Variants in TMEM167B observed in about 807,000 individuals in gnomAD.
TMEM167B encodes the protein protein kish-B.
TMEM167B carries 2 observed loss-of-function variants against 9.4 expected under a neutral mutation model. The observed-to-expected ratio is 0.21, with a 90% CI of 0.09 to 0.67. The LOEUF (loss-of-function observed/expected upper bound fraction) is 0.67, where lower values mean the gene tolerates loss of function less well. Among genes scored for constraint, TMEM167B ranks in the 30% least tolerant of loss-of-function variants. The pLI is 0.82. For missense variants in TMEM167B, 68 were observed against 87.6 expected, an observed-to-expected ratio of 0.78 and a Z score of 0.89; for synonymous variants, 28 against 32.0, an observed-to-expected ratio of 0.87 and a Z score of 0.42.
At chr1:109,094,341 A>T in intron 2 of TMEM167B, 76 bp from the exon 3 acceptor site, 1 of 1,427,326 alleles carries the variant, frequency 7.0e-7, no homozygotes, top group South Asian at 1.2e-5. Flanking sequence ...GTGACTAGAG[A>T]CTTCAAAATA....
In TMEM167B at chr1:109,095,433, T is replaced by C. The variant is rs1664545057; in HGVS notation, c.*934T>C. On this transcript the variant is annotated 3_prime_UTR_variant, in exon 3 of 3. Transcript: ENST00000338272. ...GGGTAGAAGAAAGAAATCTAGTATATTGATTCATATACTAGTAAATTCATC... is the reference window on the plus strand; with the variant it reads ...GGGTAGAAGAAAGAAATCTAGTATACTGATTCATATACTAGTAAATTCATC... 6.6e-6 allele frequency: 1 copy of C among 152,208 alleles called. No individual in the cohort carries two copies. The highest frequency in any genetic ancestry group is 6.6e-5 in the Admixed American group (1 of 15,262). The allele number at this position is 152,208 out of a possible 1,614,324, so 9.4% of individuals were successfully genotyped here.
chr1:109,094,049 G>A (rs1293540536), intron 2 of TMEM167B, among the ~76,000 whole-genome samples: 15 of 152,180 alleles, frequency 9.9e-5, no homozygotes, highest in Admixed American at 7.9e-4. Flanking sequence ...GGAGGCCAAG[G>A]TGGGTGGATC....
chr1:109,092,336 T>C (rs1664468361), intron 1 of TMEM167B, among the ~76,000 whole-genome samples: 1 of 152,236 alleles, frequency 6.6e-6, no homozygotes, highest in South Asian at 2.1e-4. Context: ...CCTTAACATA[T>C]TCTTCACCAA....
intron 2 of TMEM167B, 167 bp downstream of exon 2, chr1:109,093,188 G>A (rs1664489935): frequency 3.9e-6 from 4 of 1,038,922 alleles, no homozygotes; most frequent in Admixed American, 5.9e-5. Context: ...CAAAGTTGAG[G>A]GAAGAGGTAA....
At chr1:109,092,706 G>A (rs1191256855) in intron 1 of TMEM167B, among the ~76,000 whole-genome samples, 184 bp from the exon 2 acceptor site, 1 of 152,006 alleles carries the variant, frequency 6.6e-6, no homozygotes, top group African/African-American at 2.4e-5. Flanking sequence ...CAATTTTTGG[G>A]AACAGTAAAA....
In TMEM167B at chr1:109,092,958, G is replaced by C; in HGVS notation, c.79G>C (p.Val27Leu). The C allele has an allele frequency of 6.2e-7, 1 of 1,614,186 alleles. No individual in the cohort carries two copies. Among genetic ancestry groups the C allele is most frequent in the Non-Finnish European group, 8.5e-7 (1 of 1,180,048 alleles). Residue 27 changes from valine to leucine, a missense_variant, in exon 2 of 3, where the codon GTA (valine) becomes CTA (leucine). Val to Leu is a conservative substitution (Grantham distance 32). Transcript: ENST00000338272. ...TTGCACCTGTGCCTACTTCAAGAAA[G>C]TACCTCGTCTCAAAACCTGGCTGCT... ...FVCTCAYFKK[V>L]PRLKTWLLSE...
At position 109,090,836 on chromosome 1, in the gene TMEM167B, A is replaced by G. The variant is rs369241744; in HGVS notation, c.-37A>G. 4.2e-5 allele frequency: 67 copies of G among 1,579,336 alleles called. 1 individual carries two copies. The African/African-American group carries it at 7.5e-4, about 18-fold the overall frequency. ...CCCATCTCCGCCGCTATTACCACTG[A>G]ACCCGGACCCCCTACCCAGGTCCAG... On this transcript the variant is annotated 5_prime_UTR_variant, in exon 1 of 3. Transcript: ENST00000338272.
At chr1:109,092,557 G>A (rs994217408) in intron 1 of TMEM167B, among the ~76,000 whole-genome samples, 4 of 152,012 alleles carry the variant, frequency 2.6e-5, no homozygotes, top group Admixed American at 2.6e-4. Context: ...TGACATTTTA[G>A]TAAAGGGGAT....
chr1:109,093,032 G>T lies in TMEM167B; in HGVS notation c.142+11G>T, dbSNP rs775296635. 2 of 1,613,930 alleles carry T rather than the reference G, an allele frequency of 1.2e-6. No homozygotes were observed. Among genetic ancestry groups the T allele is most frequent in the South Asian group, 1.1e-5 (1 of 91,084 alleles). On this transcript the variant is annotated intron_variant, in intron 2 of 2. Coordinates refer to ENST00000338272, the MANE Select transcript of TMEM167B (RefSeq NM_020141.4). ...GTGTGTTTTACAAAGGTGAGGCCAT[G>T]TCTGGACAGGGAGAAGAGACTGCCA...
chr1:109,092,745 C>T, intron 1 of TMEM167B, 145 bp from the exon 2 acceptor site: 1 of 918,720 alleles, frequency 1.1e-6, no homozygotes, highest in Non-Finnish European at 1.7e-6. Flanking sequence ...GATCCTGGCT[C>T]CCCCTTGTCA....
intron 1 of TMEM167B, among the ~76,000 whole-genome samples, chr1:109,091,334 A>C (rs575731760): frequency 6.6e-6 from 1 of 152,304 alleles, no homozygotes; most frequent in East Asian, 1.9e-4. Flanking sequence ...TGTAGACCCC[A>C]CAAAAGCTTC....
Position 109,094,560 on chromosome 1 carries a change from G to A in TMEM167B, c.*61G>A. On this transcript the variant is annotated 3_prime_UTR_variant, in exon 3 of 3. Transcript: ENST00000338272. The stretch of plus-strand genomic sequence containing the variant: ...GGGGACGGGGATGAAGAACCTGTTG[G>A]AGACCTGAACCCAGTGTAGGAGAGT... 1 of 1,540,234 alleles carries A rather than the reference G, an allele frequency of 6.5e-7. No homozygotes were observed. Among genetic ancestry groups the A allele is most frequent in the Non-Finnish European group, 9.0e-7 (1 of 1,114,688 alleles).
chr1:109,090,777 C>T lies in TMEM167B; in HGVS notation c.-96C>T, dbSNP rs571608472. 1.4e-6 allele frequency: 2 copies of T among 1,477,004 alleles called. No homozygotes were observed. The highest frequency in any genetic ancestry group is 1.9e-6 in the Non-Finnish European group (2 of 1,078,918). The allele number at this position is 1,477,004 out of a possible 1,614,324, so 91.5% of individuals were successfully genotyped here. A position where few individuals can be genotyped will look rare whatever the true frequency, so the allele number is the denominator to read the frequency against. On this transcript the variant is annotated 5_prime_UTR_variant, in exon 1 of 3. Transcript: ENST00000338272. Reference sequence around the variant, plus strand: ...GTACTACGGCTTCTTCCAGTCACCTCGGCCCGGATCGGGAAGTGTCAAGCG... The same window carrying T: ...GTACTACGGCTTCTTCCAGTCACCTTGGCCCGGATCGGGAAGTGTCAAGCG...
At position 109,090,847 on chromosome 1, in the gene TMEM167B, C is replaced by A. The variant is rs1357626231; in HGVS notation, c.-26C>A. The A allele has an allele frequency of 6.3e-7, 1 of 1,585,622 alleles. No individual in the cohort carries two copies. Among genetic ancestry groups the A allele is most frequent in the East Asian group, 2.3e-5 (1 of 43,276 alleles). On this transcript the variant is annotated 5_prime_UTR_variant, in exon 1 of 3. Coordinates refer to ENST00000338272, the MANE Select transcript of TMEM167B (RefSeq NM_020141.4). Reference sequence around the variant, plus strand: ...CGCTATTACCACTGAACCCGGACCCCCTACCCAGGTCCAGGGCCAGCCGCC... The same window carrying A: ...CGCTATTACCACTGAACCCGGACCCACTACCCAGGTCCAGGGCCAGCCGCC...
At position 109,094,691 on chromosome 1, in the gene TMEM167B, G is replaced by A. The variant is rs983075696; in HGVS notation, c.*192G>A. The A allele has an allele frequency of 1.7e-6, 1 of 597,712 alleles. No individual in the cohort carries two copies. The highest frequency in any genetic ancestry group is 1.9e-5 in the African/African-American group (1 of 53,572). 37.0% of individuals were successfully genotyped at this position (597,712 alleles called of 1,614,324 possible). ...ATTATTTATGCTTCAGGGGACTACAGAAAGCCAGCTTCCTTTGATCTATGT... is the reference window on the plus strand; with the variant it reads ...ATTATTTATGCTTCAGGGGACTACAAAAAGCCAGCTTCCTTTGATCTATGT... On this transcript the variant is annotated 3_prime_UTR_variant, in exon 3 of 3. Coordinates refer to ENST00000338272, the MANE Select transcript of TMEM167B (RefSeq NM_020141.4).
chr1:109,093,298 C>T (rs1322839501), intron 2 of TMEM167B: 3 of 362,338 alleles, frequency 8.3e-6, no homozygotes, highest in Non-Finnish European at 1.5e-5. Context: ...TGTAGATCAG[C>T]CCGGGCAACA....
chr1:109,092,358 C>T (rs1437922127), intron 1 of TMEM167B, among the ~76,000 whole-genome samples: 2 of 152,184 alleles, frequency 1.3e-5, no homozygotes, highest in Non-Finnish European at 1.5e-5. Flanking sequence ...AGTTGCACAT[C>T]TGACAGTTTT....
Position 109,094,587 on chromosome 1 carries a change from C to A in TMEM167B, c.*88C>A. The A allele has an allele frequency of 7.7e-7, 1 of 1,297,948 alleles. No individual in the cohort carries two copies. The highest frequency in any genetic ancestry group is 1.2e-5 in the South Asian group (1 of 83,000). 80.4% of individuals were successfully genotyped at this position (1,297,948 alleles called of 1,614,324 possible). ...GACCTGAACCCAGTGTAGGAGAGTT[C>A]AGCTGAAATCATCGGTCCCCAGGAT... On this transcript the variant is annotated 3_prime_UTR_variant, in exon 3 of 3. Transcript: ENST00000338272.
chr1:109,094,279 AAAAAT>A (rs1438486715), intron 2 of TMEM167B, 133 bp from the exon 3 acceptor site: 5 of 868,670 alleles, frequency 5.8e-6, no homozygotes, highest in South Asian at 5.1e-5. Context: ...GACTGCCTCC[AAAAAT>A]AAAATAAAAA....
Sources: gnomAD v4.1 joint callset for allele counts (sites outside exome capture counted in the v4.1 genomes callset) on GRCh38, gnomAD v4.1.1 for gene constraint, MANE v1.5 for transcripts, NCBI Gene and HGNC (gene_info 2026-07-23, HGNC 2026-07-21) for gene names.